COG6: variants seen among roughly 807,000 people sequenced by gnomAD.
The protein encoded by COG6 is conserved oligomeric Golgi complex subunit 6.
COG6 carries 74 observed loss-of-function variants against 88.8 expected under a neutral mutation model. The observed-to-expected ratio is 0.83, with a 90% CI of 0.69 to 1.01. COG6 has a LOEUF of 1.01. Ranked by LOEUF, COG6 falls within the 50% of genes least tolerant of loss-of-function variation. The pLI, the probability that COG6 is intolerant of heterozygous loss-of-function variation, is 0.00. For missense variants in COG6, 800 were observed against 797.9 expected (o/e 1.00, Z -0.03); for synonymous variants, 286 against 278.7 (o/e 1.03, Z -0.26).
At chr13:39,752,718 CAT>C, downstream of COG6, 1 of 1,112,090 alleles carries the variant, frequency 9.0e-7, no homozygotes. Flanking sequence ...GGAAATACAA[CAT>C]AGGGCAAAAC....
intron 18 of COG6, among the ~76,000 whole-genome samples, chr13:39,788,106 A>C (rs1221895478): frequency 6.6e-6 from 1 of 152,202 alleles, no homozygotes; most frequent in Non-Finnish European, 1.5e-5. Flanking sequence ...CCATGCTTAG[A>C]GCTTTTCCTG....
At chr13:39,787,861 C>T (rs1881823150) in intron 18 of COG6, among the ~76,000 whole-genome samples, 1 of 152,162 alleles carries the variant, frequency 6.6e-6, no homozygotes, top group Admixed American at 6.5e-5. Flanking sequence ...TATAGAAATA[C>T]TATACCATTT....
At chr13:39,765,776 G>T (rs1881146382) in intron 18 of COG6, among the ~76,000 whole-genome samples, 1 of 152,050 alleles carries the variant, frequency 6.6e-6, no homozygotes, top group African/African-American at 2.4e-5. Flanking sequence ...ATAGCCTAAG[G>T]TTTCATAGAA....
chr13:39,722,464 T>C (rs566909954), intron 15 of COG6, among the ~76,000 whole-genome samples: 3 of 152,106 alleles, frequency 2.0e-5, no homozygotes, highest in South Asian at 2.1e-4. Context: ...AGCAGAGCTA[T>C]TGGAGTTGCT....
intron 18 of COG6, among the ~76,000 whole-genome samples, chr13:39,758,805 A>T (rs1044870409): frequency 7.9e-5 from 12 of 152,236 alleles, no homozygotes; most frequent in Admixed American, 7.2e-4. Flanking sequence ...ATAATAACTG[A>T]AAATTAGAAA....
intron 10 of COG6, among the ~76,000 whole-genome samples, chr13:39,689,292 A>C (rs948159321): frequency 6.6e-6 from 1 of 152,164 alleles, no homozygotes; most frequent in African/African-American, 2.4e-5. Flanking sequence ...TTTGATAAAT[A>C]GTTGGTGTTT....
At chr13:39,701,175 T>C (rs1320291299) in intron 13 of COG6, among the ~76,000 whole-genome samples, 3 of 151,760 alleles carry the variant, frequency 2.0e-5, no homozygotes, top group Non-Finnish European at 3.0e-5. Context: ...GGTAAAATCT[T>C]CAAAACTTGA....
intron 18 of COG6, among the ~76,000 whole-genome samples, chr13:39,739,393 C>G (rs1879933565): frequency 6.6e-6 from 1 of 151,664 alleles, no homozygotes; most frequent in Admixed American, 6.6e-5. Context: ...AAGTGGCATA[C>G]AAAGAAAGAA....
intron 18 of COG6, among the ~76,000 whole-genome samples, chr13:39,767,433 A>G (rs539094200): frequency 6.6e-6 from 1 of 152,258 alleles, no homozygotes; most frequent in South Asian, 2.1e-4. Context: ...AAAATATTTT[A>G]AAGGAGGTGA....
rs184234039 is a variant in COG6 at position 39,727,475 on chromosome 13, T to G, written c.1753T>G (p.Phe585Val). 6.2e-7 allele frequency: 1 copy of G among 1,611,946 alleles called. No individual in the cohort carries two copies. Among genetic ancestry groups the G allele is most frequent in the Admixed American group, 1.7e-5 (1 of 60,026 alleles). ...SVTLKAAMVQ[F>V]DRYLSAPDNL... The stretch of plus-strand genomic sequence containing the variant: ...ATTTCTCTGTTTCATTTAGGTTCAG[T>G]TTGATCGTTATCTGTCAGCCCCAGA... Residue 585 changes from phenylalanine to valine, a missense_variant, in exon 18 of 19, where the codon TTT (phenylalanine) becomes GTT (valine). Coordinates refer to ENST00000455146, the MANE Select transcript of COG6 (RefSeq NM_020751.3).
Position 39,655,743 on chromosome 13 carries a change from G to C in COG6, c.17G>C (p.Gly6Ala). Residue 6 changes from glycine to alanine, a missense_variant, in exon 1 of 19, where the codon GGG becomes GCG. Transcript: ENST00000455146. MAEGS[G>A]EVVAVSATGA... The stretch of plus-strand genomic sequence containing the variant: ...CGCAGCGCTATGGCAGAGGGCAGCG[G>C]GGAAGTGGTCGCAGTGTCTGCGACC... The C allele has an allele frequency of 1.3e-6, 2 of 1,595,900 alleles. No individual in the cohort carries two copies. Among genetic ancestry groups the C allele is most frequent in the Non-Finnish European group, 1.7e-6 (2 of 1,171,234 alleles).
chr13:39,780,717 C>A (rs896024769), intron 18 of COG6, among the ~76,000 whole-genome samples: 3 of 152,084 alleles, frequency 2.0e-5, no homozygotes, highest in African/African-American at 7.2e-5. Flanking sequence ...GCAAAACTTA[C>A]CCTTCAGAAT....
chr13:39,660,168 C>A (rs7994665), intron 2 of COG6, among the ~76,000 whole-genome samples: 109,761 of 151,948 alleles, frequency 0.72, 39,926 homozygotes, highest in Admixed American at 0.81. Flanking sequence ...AAGACTAATA[C>A]TTTGGAAAGG....
chr13:39,788,380 C>G, exon 19 of COG6: 1 of 1,551,006 alleles, frequency 6.4e-7, no homozygotes, highest in East Asian at 2.4e-5. Context: ...AGTGCAGGAC[C>G]TTGTGCTTCT....
intron 18 of COG6, among the ~76,000 whole-genome samples, chr13:39,734,519 A>G (rs1879629317): frequency 6.6e-6 from 1 of 152,172 alleles, no homozygotes; most frequent in Admixed American, 6.5e-5. Context: ...GTGTCCTAAC[A>G]TATGGTCTGT....
At chr13:39,781,461 A>G (rs889329483) in intron 18 of COG6, among the ~76,000 whole-genome samples, 3 of 144,316 alleles carry the variant, frequency 2.1e-5, no homozygotes, top group South Asian at 2.2e-4. Context: ...TTTTTTTAGT[A>G]TGAGAAACTA....
intron 11 of COG6, 148 bp downstream of exon 11, chr13:39,689,972 T>A (rs1876889376): frequency 1.0e-5 from 5 of 499,406 alleles, no homozygotes; most frequent in Non-Finnish European, 1.8e-5. Flanking sequence ...AGAAACATTT[T>A]AAAATAATAA....
At chr13:39,704,947 A>C (rs1362173663) in intron 13 of COG6, among the ~76,000 whole-genome samples, 6 of 152,102 alleles carry the variant, frequency 3.9e-5, no homozygotes, top group African/African-American at 1.4e-4. Context: ...TTCTCTTTAC[A>C]ACTCATATGT....
chr13:39,704,502 A>C (rs756848828), intron 13 of COG6, among the ~76,000 whole-genome samples: 13 of 152,322 alleles, frequency 8.5e-5, no homozygotes, highest in Non-Finnish European at 1.9e-4. Flanking sequence ...GTGAATCATC[A>C]TAAAGGTCTT....
Sources: gnomAD v4.1 joint callset for allele counts (sites outside exome capture counted in the v4.1 genomes callset) on GRCh38, gnomAD v4.1.1 for gene constraint, MANE v1.5 for transcripts, NCBI Gene and HGNC (gene_info 2026-07-23, HGNC 2026-07-21) for gene names.